The following MUC5AC variants were observed in gnomAD, a reference collection of about 807,000 sequenced individuals.
The protein encoded by MUC5AC is mucin-5AC.
In MUC5AC, 158 loss-of-function variants were observed where a neutral mutation model predicts 169.7. That is an observed-to-expected ratio of 0.93 (90% confidence interval 0.82 to 1.06). MUC5AC has a LOEUF of 1.06. Among genes scored for constraint, MUC5AC ranks in the 50% least tolerant of loss-of-function variants. The pLI is 0.00. For synonymous variants in MUC5AC, 1,975 were observed against 1,237.0 expected (o/e 1.60, Z -12.52); for missense variants, 4,359 against 3,089.9 (o/e 1.41, Z -9.74).
At chr11:1,175,994 G>A (rs1025945215) in intron 19 of MUC5AC, among the ~76,000 whole-genome samples, 157 bp from the exon 20 acceptor site, 19 of 147,912 alleles carry the variant, frequency 1.3e-4, no homozygotes, top group South Asian at 4.5e-4. Flanking sequence ...TCATGGACAC[G>A]CTCACACACC....
At chr11:1,173,537 T>G (rs1483068797) in intron 16 of MUC5AC, among the ~76,000 whole-genome samples, 2 of 150,018 alleles carry the variant, frequency 1.3e-5, no homozygotes, top group Admixed American at 1.3e-4. Flanking sequence ...ATTCACTCAT[T>G]TACTGACTCA....
chr11:1,165,838 C>T, intron 11 of MUC5AC, 78 bp downstream of exon 11: 1 of 1,581,544 alleles, frequency 6.3e-7, no homozygotes, highest in Non-Finnish European at 8.6e-7. Flanking sequence ...CCCAGCTTGG[C>T]TGCATGTCAC....
chr11:1,180,574 G>T, intron 28 of MUC5AC, 58 bp downstream of exon 28: 1 of 398,960 alleles, frequency 2.5e-6, no homozygotes. Flanking sequence ...ATTTGACCAC[G>T]GCCTGGGCTT....
chr11:1,200,727 C>T lies in MUC5AC; in HGVS notation c.*25C>T. 1 of 700,074 alleles carries T rather than the reference C, an allele frequency of 1.4e-6. No homozygotes were observed. Among genetic ancestry groups the T allele is most frequent in the South Asian group, 1.5e-5 (1 of 65,954 alleles). 43.4% of individuals were successfully genotyped at this position (700,074 alleles called of 1,614,324 possible). A position where few individuals can be genotyped will look rare whatever the true frequency, so the allele number is the denominator to read the frequency against. On this transcript the variant is annotated 3_prime_UTR_variant, in exon 49 of 49. Transcript: ENST00000621226. ...ACCAGCACTGCCGCCCTCCTGACCT[C>T]CAAGGAGAACCTCCCATATGTCCTC...
In MUC5AC at chr11:1,192,388, A is replaced by G. The variant is rs750020786; in HGVS notation, c.14243A>G (p.Tyr4748Cys). Reference sequence around the variant, plus strand: ...GGGACTTCTCCTACCAATGCTCTGTATCCTTCCCTGTCTACTTCCATGGTA... The same window carrying G: ...GGGACTTCTCCTACCAATGCTCTGTGTCCTTCCCTGTCTACTTCCATGGTA... Reference protein sequence around the residue: ...PYGTSPTNALYPSLSTSMVSA... With the variant: ...PYGTSPTNALCPSLSTSMVSA... Residue 4748 changes from tyrosine (Y) to cysteine (C), a missense_variant, in exon 31 of 49, where the codon TAT becomes TGT. Transcript: ENST00000621226. 3 of 765,018 alleles carry G rather than the reference A, an allele frequency of 3.9e-6. No homozygotes were observed. Among genetic ancestry groups the G allele is most frequent in the Non-Finnish European group, 7.2e-6 (3 of 417,874 alleles). 47.4% of individuals were successfully genotyped at this position (765,018 alleles called of 1,614,324 possible).
Position 1,194,682 on chromosome 11 carries a change from G to C in MUC5AC, c.15190+12G>C, listed in dbSNP as rs1280192555. On this transcript the variant is annotated intron_variant, in intron 35 of 48. Coordinates refer to ENST00000621226, the MANE Select transcript of MUC5AC (RefSeq NM_001304359.2). ...CGAGGGCCAGTGCGGTGAGGCCACA[G>C]GGCTCCCGGGCATCGTCTGGCATTC... The C allele has an allele frequency of 1.4e-6, 1 of 737,312 alleles. No homozygotes were observed. The highest frequency in any genetic ancestry group is 1.8e-5 in the Admixed American group (1 of 55,276). The allele number at this position is 737,312 out of a possible 1,614,324, so 45.7% of individuals were successfully genotyped here.
intron 40 of MUC5AC, 25 bp downstream of exon 40, chr11:1,196,933 G>A (rs1861292031): frequency 1.3e-6 from 1 of 759,290 alleles, no homozygotes; most frequent in South Asian, 1.4e-5. Context: ...TGGCCCAAGA[G>A]GGCACTGGGG....
At chr11:1,198,369 C>A in intron 43 of MUC5AC, 64 bp downstream of exon 43, 1 of 706,014 alleles carries the variant, frequency 1.4e-6, no homozygotes, top group South Asian at 1.5e-5. Flanking sequence ...GACCCTGAGG[C>A]CCAGGTAGAC....
rs1428954363 is a variant in MUC5AC at position 1,197,968 on chromosome 11, T to C, written c.16099T>C (p.Tyr5367His). ...TGAGGGCGCCCGCGCGATCCCGACCTACCAGGAGGGGGCCTGCTGCCCAGT... is the reference window on the plus strand; with the variant it reads ...TGAGGGCGCCCGCGCGATCCCGACCCACCAGGAGGGGGCCTGCTGCCCAGT... ...CPEGARAIPTYQEGACCPVQN... is the reference protein window; with the variant it reads ...CPEGARAIPTHQEGACCPVQN... The change falls in exon 42 of 49, where the codon TAC (tyrosine) becomes CAC (histidine). Residue 5367 changes from tyrosine to histidine, a missense_variant. Coordinates refer to ENST00000621226, the MANE Select transcript of MUC5AC (RefSeq NM_001304359.2). The C allele has an allele frequency of 1.4e-6, 1 of 732,756 alleles. No homozygotes were observed. 45.4% of individuals were successfully genotyped at this position (732,756 alleles called of 1,614,324 possible).
rs1861161428 is a variant in MUC5AC, at chr11:1,192,914, T to C, written c.14512T>C (p.Ser4838Pro). The C allele has an allele frequency of 5.2e-6, 4 of 761,964 alleles. No homozygotes were observed. Among genetic ancestry groups the C allele is most frequent in the African/African-American group, 1.7e-5 (1 of 59,034 alleles). The allele number at this position is 761,964 out of a possible 1,614,324, so 47.2% of individuals were successfully genotyped here. A position where few individuals can be genotyped will look rare whatever the true frequency, so the allele number is the denominator to read the frequency against. The change falls in exon 32 of 49, where the codon TCC (serine) becomes CCC (proline). Residue 4838 changes from serine to proline, a missense_variant. By Grantham distance (74) the Ser-to-Pro change is moderately conservative. Coordinates refer to ENST00000621226, the MANE Select transcript of MUC5AC (RefSeq NM_001304359.2). ...CACGCTGCCTCCTGCCCCAGCCACG[T>C]CCCCTTCAATATCCACCTCCGAGCC... is the stretch of plus-strand genomic sequence containing the variant. Reference protein sequence around the residue: ...STTLPPAPATSPSISTSEPVT... With the variant: ...STTLPPAPATPPSISTSEPVT...
chr11:1,168,429 G>T (rs1326313947), intron 12 of MUC5AC, 54 bp from the exon 13 acceptor site: 4 of 1,558,668 alleles, frequency 2.6e-6, no homozygotes, highest in Non-Finnish European at 3.5e-6. Context: ...CCTCCGCGGG[G>T]CTGAGGTGCC....
rs1860809319 is a variant in MUC5AC, at chr11:1,181,295, A to T, written c.3845A>T (p.Gln1282Leu). ...AEACVCTYNG[Q>L]RFHPGDVIYH... is the part of the protein sequence containing the mutation. ...GCCTGTGTCTGCACCTACAATGGAC[A>T]GCGCTTCCACCCAGGGGACGTCATC... Residue 1282 changes from glutamine (Q) to leucine (L), a missense_variant, in exon 30 of 49, where the codon CAG becomes CTG. Gln to Leu is a moderately radical substitution (Grantham distance 113). Coordinates refer to ENST00000621226, the MANE Select transcript of MUC5AC (RefSeq NM_001304359.2). 1 of 398,350 alleles carries T rather than the reference A, an allele frequency of 2.5e-6. No homozygotes were observed. Among genetic ancestry groups the T allele is most frequent in the South Asian group, 1.3e-4 (1 of 7,864 alleles). The allele number at this position is 398,350 out of a possible 1,614,324, so 24.7% of individuals were successfully genotyped here. A position where few individuals can be genotyped will look rare whatever the true frequency, so the allele number is the denominator to read the frequency against.
chr11:1,164,220 G>C lies in MUC5AC; in HGVS notation c.904G>C (p.Asp302His), dbSNP rs540141534. 1.2e-6 allele frequency: 2 copies of C among 1,612,628 alleles called. No individual in the cohort carries two copies. The highest frequency in any genetic ancestry group is 1.7e-6 in the Non-Finnish European group (2 of 1,179,880). ...RQDLCFCEDTDLLSCVCHTLA... is the reference protein window; with the variant it reads ...RQDLCFCEDTHLLSCVCHTLA... ...AGACCTCTGCTTCTGTGAAGACACC[G>C]ACCTGCTCAGCTGCGTCTGCCACAC... Residue 302 changes from aspartate to histidine, a missense_variant, in exon 8 of 49, where the codon GAC becomes CAC. Coordinates refer to ENST00000621226, the MANE Select transcript of MUC5AC (RefSeq NM_001304359.2).
rs1409606731 is a variant in MUC5AC at position 1,185,185 on chromosome 11, C to T, written c.7040C>T (p.Thr2347Ile). 2 of 728,170 alleles carry T rather than the reference C, an allele frequency of 2.7e-6. No individual in the cohort carries two copies. Among genetic ancestry groups the T allele is most frequent in the Admixed American group, 1.9e-5 (1 of 53,288 alleles). The allele number at this position is 728,170 out of a possible 1,614,324, so 45.1% of individuals were successfully genotyped here. A position where few individuals can be genotyped will look rare whatever the true frequency, so the allele number is the denominator to read the frequency against. Residue 2347 changes from threonine to isoleucine, a missense_variant, in exon 31 of 49, where the codon ACT (threonine) becomes ATT (isoleucine). Coordinates refer to ENST00000621226, the MANE Select transcript of MUC5AC (RefSeq NM_001304359.2). ...AGCACAACCTCTGGTCCTGGAACTA[C>T]TCCCAGCCCTGTTCCTACCACCAGC... is the stretch of plus-strand genomic sequence containing the variant. Reference protein sequence around the residue: ...TSSTTSGPGTTPSPVPTTSIT... With the variant: ...TSSTTSGPGTIPSPVPTTSIT...
intron 9 of MUC5AC, among the ~76,000 whole-genome samples, chr11:1,165,081 C>T (rs1860279129): frequency 2.0e-5 from 3 of 150,262 alleles, no homozygotes; most frequent in Admixed American, 2.0e-4. Context: ...GGCTGAGGCC[C>T]CTGTCCTGGC....
chr11:1,162,145 C>T lies in MUC5AC; in HGVS notation c.450C>T (p.Gly150=), dbSNP rs1309540070. 1.9e-6 allele frequency: 3 copies of T among 1,612,264 alleles called. No homozygotes were observed. The highest frequency in any genetic ancestry group is 4.5e-5 in the East Asian group (2 of 44,854). The change falls in exon 4 of 49, where the codon GGC becomes GGT. Residue 150 remains glycine (G), a synonymous_variant. Coordinates refer to ENST00000621226, the MANE Select transcript of MUC5AC (RefSeq NM_001304359.2). The part of the protein sequence containing the change: ...VDGVVIQLTK[G]SVLVNGHPVL... ...GCGTGGTCATCCAGCTGACCAAGGG[C>T]TCCGTCCTGGTCAACGGCCACCCGT...
Position 1,165,014 on chromosome 11 carries a change from A to G in MUC5AC, c.1130-288A>G, listed in dbSNP as rs56208570. On this transcript the variant is annotated intron_variant, in intron 9 of 48. Coordinates refer to ENST00000621226, the MANE Select transcript of MUC5AC (RefSeq NM_001304359.2). ...CCCGGGCCCCTGAGGCTGGCTGAGG[A>G]TCCTGTCCTGGGCCCCCTGAGGCTG... Among the ~76,000 whole-genome samples, 4 of 44,660 alleles carry G rather than the reference A, an allele frequency of 9.0e-5. No individual in the cohort carries two copies. In the East Asian group the frequency reaches 2.7e-3, roughly 30 times the overall value. The allele number at this position is 44,660 out of a possible 152,430, so 29.3% of individuals were successfully genotyped here.
At chr11:1,172,592 C>G in intron 16 of MUC5AC, 69 bp downstream of exon 16, 1 of 398,584 alleles carries the variant, frequency 2.5e-6, no homozygotes, top group South Asian at 1.3e-4. Context: ...TCCAGGAGGG[C>G]TGGGAGGGCA....
At position 1,172,469 on chromosome 11, in the gene MUC5AC, C is replaced by G. The variant is rs1044901485; in HGVS notation, c.1911C>G (p.Ala637=). The G allele has an allele frequency of 5.0e-6, 2 of 398,574 alleles. No individual in the cohort carries two copies. The highest frequency in any genetic ancestry group is 8.8e-6 in the Non-Finnish European group (2 of 226,102). 24.7% of individuals were successfully genotyped at this position (398,574 alleles called of 1,614,324 possible). The change falls in exon 16 of 49, where the codon GCC becomes GCG. Residue 637 remains alanine (A), a synonymous_variant. Transcript: ENST00000621226. ...ACTGGTGCTCGCAGCTGACCGATGC[C>G]GACGGCCCCTTCGGCCGGTGCCATG... The part of the protein sequence containing the change: ...AQHWCSQLTD[A]DGPFGRCHAA...
Sources: allele counts gnomAD v4.1 joint callset (sites outside exome capture counted in the v4.1 genomes callset), GRCh38; gene constraint gnomAD v4.1.1; transcripts MANE v1.5; gene names NCBI Gene and HGNC (gene_info 2026-07-23, HGNC 2026-07-21).